The following GRM5 variants were observed in gnomAD, a reference collection of about 807,000 sequenced individuals.
GRM5 encodes the protein metabotropic glutamate receptor 5.
A neutral mutation model predicts 83.1 loss-of-function variants in GRM5; 19 were observed. That is an observed-to-expected ratio of 0.23 (90% CI 0.16 to 0.34). GRM5 has a LOEUF of 0.34. Ranked by LOEUF, GRM5 falls within the 10% of genes least tolerant of loss-of-function variation. The pLI is 1.00. For missense variants in GRM5, 1,160 were observed against 1,588.3 expected (o/e 0.73, Z 4.58); for synonymous variants, 675 against 633.6 (o/e 1.07, Z -0.98).
At chr11:88,999,616 A>G (rs1940303976) in intron 2 of GRM5, among the ~76,000 whole-genome samples, 2 of 152,186 alleles carry the variant, frequency 1.3e-5, no homozygotes, top group Admixed American at 6.5e-5. Flanking sequence ...GTGGAAAAAT[A>G]GGAACACTTT....
At chr11:88,962,501 T>C (rs1004294958) in intron 2 of GRM5, among the ~76,000 whole-genome samples, 4 of 152,166 alleles carry the variant, frequency 2.6e-5, no homozygotes, top group African/African-American at 9.7e-5. Flanking sequence ...TTGAAACCAT[T>C]ACCAATCTGT....
chr11:88,904,170 G>C (rs1460611517), intron 2 of GRM5, among the ~76,000 whole-genome samples: 4 of 152,128 alleles, frequency 2.6e-5, no homozygotes, highest in Admixed American at 1.3e-4. Context: ...AGTAAAACTA[G>C]ACTGACCTCA....
At chr11:88,622,311 A>G (rs1938660948) in intron 4 of GRM5, among the ~76,000 whole-genome samples, 1 of 152,168 alleles carries the variant, frequency 6.6e-6, no homozygotes, top group Admixed American at 6.5e-5. Context: ...GTTAGAATAA[A>G]ATGCTAAATG....
At chr11:88,744,399 A>C (rs1229110566) in intron 3 of GRM5, among the ~76,000 whole-genome samples, 1 of 152,316 alleles carries the variant, frequency 6.6e-6, no homozygotes, top group East Asian at 1.9e-4. Flanking sequence ...CAGTCATTGC[A>C]TAATAGGCTA....
chr11:89,030,266 C>A (rs1431371890), intron 2 of GRM5, among the ~76,000 whole-genome samples: 3 of 151,998 alleles, frequency 2.0e-5, no homozygotes, highest in African/African-American at 7.2e-5. Flanking sequence ...AATGATTGGC[C>A]TTTATAAGAG....
At chr11:88,875,152 A>G (rs1944830771) in intron 2 of GRM5, among the ~76,000 whole-genome samples, 1 of 151,782 alleles carries the variant, frequency 6.6e-6, no homozygotes, top group South Asian at 2.1e-4. Flanking sequence ...CCCACAGTAG[A>G]ACTGCTTTTA....
intron 8 of GRM5, among the ~76,000 whole-genome samples, chr11:88,540,311 A>C (rs1227221204): frequency 1.3e-5 from 2 of 152,210 alleles, no homozygotes; most frequent in Non-Finnish European, 2.9e-5. Flanking sequence ...GTCTTTGGAC[A>C]ACTTAGAAAC....
intron 2 of GRM5, among the ~76,000 whole-genome samples, chr11:88,951,076 A>AGTGTGT (rs10588925): frequency 6.6e-4 from 100 of 151,296 alleles, no homozygotes; most frequent in Middle Eastern, 3.4e-3. Context: ...GGCAGATTAG[A>AGTGTGT]GTGTGTGTGT....
chr11:88,656,597 T>C (rs1402053353), intron 3 of GRM5, among the ~76,000 whole-genome samples: 2 of 152,106 alleles, frequency 1.3e-5, no homozygotes, highest in Non-Finnish European at 2.9e-5. Context: ...CTTTTGCATG[T>C]TCGTGTTTTT....
chr11:88,637,536 C>CA (rs1268842057), intron 4 of GRM5, among the ~76,000 whole-genome samples: 1 of 151,058 alleles, frequency 6.6e-6, no homozygotes, highest in Non-Finnish European at 1.5e-5. Flanking sequence ...TTTATGCAGC[C>CA]AAAAAACACA....
At chr11:88,980,506 C>A (rs1218911418) in intron 2 of GRM5, among the ~76,000 whole-genome samples, 1 of 152,068 alleles carries the variant, frequency 6.6e-6, no homozygotes, top group Non-Finnish European at 1.5e-5. Flanking sequence ...CTTATTTTTT[C>A]TAGTAGTTTT....
intron 2 of GRM5, among the ~76,000 whole-genome samples, chr11:88,901,313 T>C (rs949679759): frequency 1.3e-5 from 2 of 152,186 alleles, no homozygotes; most frequent in African/African-American, 4.8e-5. Flanking sequence ...TTAATTCACT[T>C]AGTTCTCACA....
At chr11:88,758,748 G>A (rs1277674540) in intron 3 of GRM5, among the ~76,000 whole-genome samples, 4 of 152,092 alleles carry the variant, frequency 2.6e-5, no homozygotes, top group South Asian at 4.1e-4. Context: ...GAAAACTCCA[G>A]TAAGATTCTT....
intron 2 of GRM5, among the ~76,000 whole-genome samples, chr11:88,885,133 C>T: frequency 6.6e-6 from 1 of 151,770 alleles, no homozygotes; most frequent in Non-Finnish European, 1.5e-5. Context: ...AAATGAGGTA[C>T]ATCCCATTCT....
In GRM5 at chr11:88,508,572, G is replaced by A. The variant is rs1205806091; in HGVS notation, c.*20C>T. The A allele has an allele frequency of 5.0e-6, 8 of 1,592,876 alleles. No homozygotes were observed. The highest frequency in any genetic ancestry group is 2.3e-5 in the East Asian group (1 of 43,440). ...GGGCTCCGCTCCGCACGCGCAGGCC[G>A]GCGTGCTTTCCAGGGACATTCACAA... On this transcript the variant is annotated 3_prime_UTR_variant, in exon 10 of 10. Coordinates refer to ENST00000305447, the MANE Select transcript of GRM5 (RefSeq NM_001143831.3). The surrounding 1 kb of genome is among the most constrained non-coding windows in gnomAD (Gnocchi z 4.2).
intron 3 of GRM5, among the ~76,000 whole-genome samples, chr11:88,660,750 T>C (rs1939884503): frequency 1.3e-5 from 2 of 152,324 alleles, no homozygotes; most frequent in Admixed American, 1.3e-4. Context: ...ACATAGAACA[T>C]TGATTCTTAT....
chr11:88,515,327 C>A (rs1453906575), intron 9 of GRM5, among the ~76,000 whole-genome samples: 1 of 152,156 alleles, frequency 6.6e-6, no homozygotes, highest in Non-Finnish European at 1.5e-5. Flanking sequence ...ACTACTCTAA[C>A]TGGTATTAGT....
intron 2 of GRM5, among the ~76,000 whole-genome samples, chr11:88,980,771 C>T (rs1591016468): frequency 6.6e-6 from 1 of 151,638 alleles, no homozygotes; most frequent in Non-Finnish European, 1.5e-5. Flanking sequence ...TGCAGTGAGC[C>T]GAAATCTCAC....
intron 3 of GRM5, among the ~76,000 whole-genome samples, chr11:88,683,296 T>A (rs1291377222): frequency 5.9e-5 from 9 of 152,226 alleles, no homozygotes; most frequent in Non-Finnish European, 1.2e-4. Flanking sequence ...GTTTCCTGAT[T>A]ACTTGGTTTG....
Sources: gnomAD v4.1 joint callset for allele counts (sites outside exome capture counted in the v4.1 genomes callset) on GRCh38, gnomAD v4.1.1 for gene constraint, Gnocchi (gnomAD v3.1) non-coding constraint, MANE v1.5 for transcripts, NCBI Gene and HGNC (gene_info 2026-07-23, HGNC 2026-07-21) for gene names.